TNR: variants seen among roughly 807,000 people sequenced by gnomAD.
The protein encoded by TNR is tenascin R.
TNR carries 45 observed loss-of-function variants against 150.4 expected under a neutral mutation model. The observed-to-expected ratio is 0.30, with a 90% CI of 0.24 to 0.38. The LOEUF (loss-of-function observed/expected upper bound fraction) is 0.38, where lower values mean the gene tolerates loss of function less well. TNR is among the 10% of genes least tolerant of loss of function. The pLI, the probability that TNR is intolerant of heterozygous loss-of-function variation, is 1.00. For missense variants in TNR, 1,544 were observed against 1,759.1 expected (o/e 0.88, Z 2.19); for synonymous variants, 687 against 678.4 (o/e 1.01, Z -0.20).
chr1:175,700,031 G>A (rs1290124426), intron 1 of TNR, among the ~76,000 whole-genome samples: 1 of 151,888 alleles, frequency 6.6e-6, no homozygotes, highest in Non-Finnish European at 1.5e-5. Context: ...GAGGGAATGG[G>A]GAGGGAGTGG....
chr1:175,553,817 A>ACACACACACAC (rs1553238669), intron 1 of TNR, among the ~76,000 whole-genome samples: 164 of 145,496 alleles, frequency 1.1e-3, no homozygotes, highest in South Asian at 2.9e-3. Context: ...TACAAGAACA[A>ACACACACACAC]ACACACACAC....
chr1:175,659,266 C>G (rs938062114), intron 1 of TNR, among the ~76,000 whole-genome samples: 7 of 152,212 alleles, frequency 4.6e-5, no homozygotes, highest in Non-Finnish European at 8.8e-5. Context: ...CAGCTGAGGA[C>G]AGGGGAAGAC....
chr1:175,650,775 CCTCATTACTCCTCCTCCCCCAT>C (rs1664942317), intron 1 of TNR, among the ~76,000 whole-genome samples: 1 of 6,802 alleles, frequency 1.5e-4, no homozygotes, highest in African/African-American at 1.0e-3. Flanking sequence ...TCCTCCCCGA[CCTCATTACTCCTCCTCCCCCAT>C]CTCATTACTA....
chr1:175,655,616 T>C (rs1276172186), intron 1 of TNR, among the ~76,000 whole-genome samples: 1 of 152,240 alleles, frequency 6.6e-6, no homozygotes, highest in African/African-American at 2.4e-5. Flanking sequence ...CAAAAGCACC[T>C]TGAAGACTGT....
In TNR at chr1:175,406,887, G is replaced by C. The variant is rs1017054198; in HGVS notation, c.-63-110C>G. On this transcript the variant is annotated intron_variant, in intron 2 of 22. Transcript: ENST00000367674. Reference sequence around the variant, plus strand: ...GTAGGCAGCCAGAGATTTTCAAGGGGGGGGCGTCAGGAAGGGACAGTGGCT... The same window carrying C: ...GTAGGCAGCCAGAGATTTTCAAGGGCGGGGCGTCAGGAAGGGACAGTGGCT... 4.0e-6 allele frequency: 3 copies of C among 755,158 alleles called. No homozygotes were observed. In the African/African-American group the frequency reaches 5.3e-5, roughly 13 times the overall value. The allele number at this position is 755,158 out of a possible 1,614,324, so 46.8% of individuals were successfully genotyped here.
intron 2 of TNR, among the ~76,000 whole-genome samples, chr1:175,443,936 T>C (rs1261427603): frequency 6.6e-6 from 1 of 152,178 alleles, no homozygotes; most frequent in African/African-American, 2.4e-5. Context: ...CAGAGGAATC[T>C]AATCAAGGAC....
chr1:175,450,605 G>A (rs138589141), intron 2 of TNR, among the ~76,000 whole-genome samples: 8 of 152,216 alleles, frequency 5.3e-5, no homozygotes, highest in Middle Eastern at 3.2e-3. Context: ...AGTGAGCTCC[G>A]AGAGAACAAA....
At chr1:175,569,235 G>A (rs1019368990) in intron 1 of TNR, among the ~76,000 whole-genome samples, 2 of 152,194 alleles carry the variant, frequency 1.3e-5, no homozygotes, top group Non-Finnish European at 2.9e-5. Context: ...GAACACAGGA[G>A]ATAAAGACAT....
Position 175,572,909 on chromosome 1 carries a change from G to A in TNR, c.-164-44540C>T, listed in dbSNP as rs1661940134. 1.3e-5 allele frequency among the ~76,000 whole-genome samples: 2 copies of A among 151,638 alleles called. 1 individual carries two copies. The highest frequency in any genetic ancestry group is 2.9e-5 in the Non-Finnish European group (2 of 67,978). On this transcript the variant is annotated intron_variant, in intron 1 of 22. Transcript: ENST00000367674. ...CACCCTACCTAGCCTCCCTAACCATGATTTAGAATTTCCCAGGTGACTTTC... is the reference window on the plus strand; with the variant it reads ...CACCCTACCTAGCCTCCCTAACCATAATTTAGAATTTCCCAGGTGACTTTC...
At chr1:175,430,653 G>A (rs116590270) in intron 2 of TNR, among the ~76,000 whole-genome samples, 2,042 of 152,230 alleles carry the variant, frequency 0.013, 14 homozygotes, top group Non-Finnish European at 0.02. Flanking sequence ...CTAAATCCTG[G>A]TTCCATGCTC....
intron 20 of TNR, 195 bp from the exon 21 acceptor site, chr1:175,330,430 T>C (rs1649680387): frequency 2.0e-6 from 1 of 503,930 alleles, no homozygotes; most frequent in African/African-American, 1.9e-5. Flanking sequence ...AAGAGGACAG[T>C]CCAGGTCTGC....
rs1649485405 is a variant in TNR at position 175,327,701 on chromosome 1, T to C, written c.3793+2373A>G. Among the ~76,000 whole-genome samples, 3 of 152,216 alleles carry C rather than the reference T, an allele frequency of 2.0e-5. No individual in the cohort carries two copies. In the East Asian group the frequency reaches 5.8e-4, roughly 29 times the overall value. ...CCCCTCCTCCACAGCATCTGCTCCTTCTGTAACTTCCAGGGTTTATTTTCC... is the reference window on the plus strand; with the variant it reads ...CCCCTCCTCCACAGCATCTGCTCCTCCTGTAACTTCCAGGGTTTATTTTCC... On this transcript the variant is annotated intron_variant, in intron 21 of 22. Coordinates refer to ENST00000367674, the MANE Select transcript of TNR (RefSeq NM_003285.3).
At chr1:175,697,347 CT>C (rs58904598) in intron 1 of TNR, among the ~76,000 whole-genome samples, 11,638 of 147,254 alleles carry the variant, frequency 0.079, 544 homozygotes, top group East Asian at 0.17. Flanking sequence ...CTTTCTACGT[CT>C]TTTTTTTTTT....
intron 2 of TNR, among the ~76,000 whole-genome samples, chr1:175,435,503 T>C (rs1457039150): frequency 6.6e-6 from 1 of 152,160 alleles, no homozygotes; most frequent in African/African-American, 2.4e-5. Flanking sequence ...GCGATTAGAA[T>C]TCCAGGAAGT....
chr1:175,619,499 G>T (rs1169811513), intron 1 of TNR, among the ~76,000 whole-genome samples: 2 of 152,154 alleles, frequency 1.3e-5, no homozygotes, highest in Non-Finnish European at 2.9e-5. Flanking sequence ...AGCTAAGCAG[G>T]CTCATTAGTC....
At chr1:175,611,647 C>G (rs1204068940) in intron 1 of TNR, among the ~76,000 whole-genome samples, 1 of 152,158 alleles carries the variant, frequency 6.6e-6, no homozygotes, top group Non-Finnish European at 1.5e-5. Context: ...TCTGCTCTCT[C>G]TTGATCTCCA....
rs745898538 is a variant in TNR at position 175,364,965 on chromosome 1, G to A, written c.2587+45C>T. ...TTTCATTGATTTGTCAAAGGCTACT[G>A]TGAAAACCCCTTTCATCACCTGCTG... On this transcript the variant is annotated intron_variant, in intron 12 of 22. Coordinates refer to ENST00000367674, the MANE Select transcript of TNR (RefSeq NM_003285.3). The A allele has an allele frequency of 2.6e-6, 4 of 1,560,020 alleles. No individual in the cohort carries two copies. The African/African-American group carries it at 4.1e-5, about 16-fold the overall frequency.
chr1:175,733,692 G>A (rs953739630), intron 1 of TNR, among the ~76,000 whole-genome samples: 3 of 152,042 alleles, frequency 2.0e-5, no homozygotes, highest in African/African-American at 4.8e-5. Context: ...CACCCTACTC[G>A]GAACAGATCA....
intron 9 of TNR, among the ~76,000 whole-genome samples, chr1:175,369,123 TCTGTG>T (rs1478133290): frequency 6.6e-5 from 10 of 152,154 alleles, no homozygotes; most frequent in African/African-American, 2.2e-4. Context: ...TTATATAACA[TCTGTG>T]CTTTTCAAAA....
Sources: gnomAD v4.1 joint callset for allele counts (sites outside exome capture counted in the v4.1 genomes callset) on GRCh38, gnomAD v4.1.1 for gene constraint, MANE v1.5 for transcripts, NCBI Gene and HGNC (gene_info 2026-07-23, HGNC 2026-07-21) for gene names.